YAP1: variants seen among roughly 807,000 people sequenced by gnomAD.
The protein encoded by YAP1 is transcriptional coactivator YAP1.
A neutral mutation model predicts 56.9 loss-of-function variants in YAP1; 5 were observed. The ratio of observed to expected loss-of-function variants is 0.09; its 90% CI spans 0.05 to 0.18. The LOEUF is 0.18. Among genes scored for constraint, YAP1 ranks in the 10% least tolerant of loss-of-function variants. YAP1 has a pLI of 1.00. For synonymous variants in YAP1, 265 were observed against 248.1 expected, an observed-to-expected ratio of 1.07 and a Z score of -0.64; for missense variants, 539 against 651.8, an observed-to-expected ratio of 0.83 and a Z score of 1.88.
chr11:102,185,996 T>C, intron 3 of YAP1, 22 bp from the exon 4 acceptor site: 1 of 1,525,700 alleles, frequency 6.6e-7, no homozygotes, highest in Non-Finnish European at 8.7e-7. Flanking sequence ...CCATGATTTT[T>C]TTTTTTTTTT....
chr11:102,117,894 A>G (rs1233734502), intron 2 of YAP1, among the ~76,000 whole-genome samples: 1 of 152,210 alleles, frequency 6.6e-6, no homozygotes, highest in Non-Finnish European at 1.5e-5. Flanking sequence ...TACCTTCTTC[A>G]GCTGTCTTAC....
At chr11:102,205,802 A>C in intron 4 of YAP1, 91 bp from the exon 5 acceptor site, 2 of 1,306,278 alleles carry the variant, frequency 1.5e-6, no homozygotes, top group Non-Finnish European at 2.0e-6. Context: ...GTTACATCGA[A>C]TATCCCAAAT....
intron 3 of YAP1, among the ~76,000 whole-genome samples, chr11:102,163,738 A>G (rs1227493968): frequency 6.6e-6 from 1 of 152,182 alleles, no homozygotes; most frequent in Non-Finnish European, 1.5e-5. Context: ...GGGTGGTACC[A>G]TTAGTTGACA....
intron 2 of YAP1, 141 bp downstream of exon 2, chr11:102,114,535 C>A: frequency 9.3e-7 from 1 of 1,070,590 alleles, no homozygotes; most frequent in Non-Finnish European, 1.3e-6. Context: ...GCTCTATCTT[C>A]CATATATATG....
chr11:102,182,078 C>A (rs1476610696), intron 3 of YAP1, among the ~76,000 whole-genome samples: 1 of 152,168 alleles, frequency 6.6e-6, no homozygotes, highest in Admixed American at 6.5e-5. Context: ...CTCAGCCTCC[C>A]AAAGTGCTGG....
intron 8 of YAP1, among the ~76,000 whole-genome samples, chr11:102,228,764 G>C (rs17097560): frequency 0.36 from 53,961 of 151,586 alleles, 9,821 homozygotes; most frequent in African/African-American, 0.42. Flanking sequence ...TTGCCCTAGA[G>C]TTGACAACTG....
At chr11:102,111,219 C>A (rs750110231) in intron 1 of YAP1, 50 bp downstream of exon 1, 1 of 1,591,206 alleles carries the variant, frequency 6.3e-7, no homozygotes, top group Non-Finnish European at 8.6e-7. Context: ...GGCCTCAGAC[C>A]GGGGGGGCGC....
At chr11:102,207,389 C>G (rs1949174482) in intron 5 of YAP1, among the ~76,000 whole-genome samples, 3 of 151,968 alleles carry the variant, frequency 2.0e-5, no homozygotes, top group Admixed American at 1.3e-4. Context: ...TAAGTATAGA[C>G]ATTTAAAAAT....
rs1435028814 is a variant in YAP1 at position 102,232,858 on chromosome 11, C to G, written c.*2918C>G. The stretch of plus-strand genomic sequence containing the variant: ...TCCAAAGCACTATTTGTTGTAATAA[C>G]TTTTCTAAATGTAGTGCCTTTAAAG... On this transcript the variant is annotated 3_prime_UTR_variant, in exon 9 of 9. Transcript: ENST00000282441. The G allele has an allele frequency of 6.6e-6, 1 of 152,556 alleles. No individual in the cohort carries two copies. Among genetic ancestry groups the G allele is most frequent in the Non-Finnish European group, 1.5e-5 (1 of 68,028 alleles). The allele number at this position is 152,556 out of a possible 1,614,324, so 9.5% of individuals were successfully genotyped here.
chr11:102,219,990 T>G (rs1949843235), intron 6 of YAP1, among the ~76,000 whole-genome samples: 1 of 151,712 alleles, frequency 6.6e-6, no homozygotes. Flanking sequence ...CACCTCAGCC[T>G]CCCAAAGTGC....
intron 6 of YAP1, among the ~76,000 whole-genome samples, chr11:102,222,858 C>T (rs1284458213): frequency 6.6e-6 from 1 of 151,494 alleles, no homozygotes; most frequent in Non-Finnish European, 1.5e-5. Flanking sequence ...TGCTATTCTT[C>T]CTACTTCTTT....
chr11:102,205,832 C>A, intron 4 of YAP1, 61 bp from the exon 5 acceptor site: 4 of 1,415,094 alleles, frequency 2.8e-6, no homozygotes, highest in Middle Eastern at 2.7e-4. Context: ...ATAATTAAAT[C>A]ATCATTTTAT....
Position 102,162,511 on chromosome 11 carries a change from A to G in YAP1, c.628A>G (p.Met210Val), listed in dbSNP as rs148057981. 6.2e-7 allele frequency: 1 copy of G among 1,614,230 alleles called. No individual in the cohort carries two copies. Among genetic ancestry groups the G allele is most frequent in the African/African-American group, 1.3e-5 (1 of 75,064 alleles). ...QDPRKAMLSQ[M>V]NVTAPTSPPV... ...CCCCAGGAAGGCCATGCTGTCCCAG[A>G]TGAACGTCACAGCCCCCACCAGTCC... Residue 210 changes from methionine to valine, a missense_variant, in exon 3 of 9, where the codon ATG becomes GTG. This residue lies in a region of YAP1 where 414 missense variants were observed against 512.4 expected (regional missense o/e 0.81). Transcript: ENST00000282441.
intron 5 of YAP1, among the ~76,000 whole-genome samples, chr11:102,207,780 A>T (rs1435637517): frequency 1.3e-5 from 2 of 152,188 alleles, no homozygotes; most frequent in Non-Finnish European, 2.9e-5. Flanking sequence ...TGTCCATACA[A>T]TTCTAGTGTG....
intron 3 of YAP1, among the ~76,000 whole-genome samples, chr11:102,167,606 C>T (rs1328405282): frequency 1.3e-5 from 2 of 152,104 alleles, no homozygotes; most frequent in African/African-American, 2.4e-5. Context: ...TGGTGGTGCA[C>T]GCCTGTAGTC....
At chr11:102,180,926 C>T (rs1392175234) in intron 3 of YAP1, among the ~76,000 whole-genome samples, 1 of 151,818 alleles carries the variant, frequency 6.6e-6, no homozygotes, top group Admixed American at 6.6e-5. Flanking sequence ...GTGGGAGGAT[C>T]TCTTGAGCTC....
chr11:102,154,480 A>G (rs1408805040), intron 2 of YAP1, among the ~76,000 whole-genome samples: 2 of 152,166 alleles, frequency 1.3e-5, no homozygotes, highest in Non-Finnish European at 2.9e-5. Context: ...TTACACATGC[A>G]TGTGTATATA....
chr11:102,219,412 C>T (rs940174579), intron 6 of YAP1, among the ~76,000 whole-genome samples: 2 of 152,062 alleles, frequency 1.3e-5, no homozygotes, highest in East Asian at 1.9e-4. Flanking sequence ...ATCTCAAGAT[C>T]GAGATGGGAT....
At position 102,110,622 on chromosome 11, in the gene YAP1, C is replaced by T. The variant is rs1942827446; in HGVS notation, c.-227C>T. The stretch of plus-strand genomic sequence containing the variant: ...GGTCCGAGTGCCTCGCAGCCCCTCC[C>T]GAGGCGCAGCCGCCAGACCAGTGGA... On this transcript the variant is annotated 5_prime_UTR_variant, in exon 1 of 9. Transcript: ENST00000282441. 4 of 256,270 alleles carry T rather than the reference C, an allele frequency of 1.6e-5. No homozygotes were observed. The highest frequency in any genetic ancestry group is 6.8e-5 in the African/African-American group (3 of 43,890). 15.9% of individuals were successfully genotyped at this position (256,270 alleles called of 1,614,324 possible). A position where few individuals can be genotyped will look rare whatever the true frequency, so the allele number is the denominator to read the frequency against.
Sources: allele counts gnomAD v4.1 joint callset (sites outside exome capture counted in the v4.1 genomes callset), GRCh38; gene constraint gnomAD v4.1.1; regional missense constraint gnomAD v4.1.1; transcripts MANE v1.5; gene names NCBI Gene and HGNC (gene_info 2026-07-23, HGNC 2026-07-21).